UBE3A: variants seen among roughly 807,000 people sequenced by gnomAD.
UBE3A encodes the protein ubiquitin protein ligase E3A, also known as ubiquitin-protein ligase E3A.
UBE3A carries 6 observed loss-of-function variants against 83.4 expected under a neutral mutation model. The observed-to-expected ratio is 0.07, with a 90% CI of 0.04 to 0.14. The LOEUF is 0.14. Among genes scored for constraint, UBE3A ranks in the 10% least tolerant of loss-of-function variants. The pLI, the probability that UBE3A is intolerant of heterozygous loss-of-function variation, is 1.00. For synonymous variants in UBE3A, 337 were observed against 355.4 expected (o/e 0.95, Z 0.58); for missense variants, 456 against 1,036.1 (o/e 0.44, Z 7.69).
chr15:25,366,213 A>C (rs977216212), intron 6 of UBE3A, among the ~76,000 whole-genome samples: 1 of 152,260 alleles, frequency 6.6e-6, no homozygotes, highest in Non-Finnish European at 1.5e-5. Flanking sequence ...ATCACAAGAA[A>C]GAACAATGGA....
At chr15:25,383,137 A>C (rs951171885) in intron 4 of UBE3A, among the ~76,000 whole-genome samples, 3 of 152,236 alleles carry the variant, frequency 2.0e-5, no homozygotes, top group Non-Finnish European at 4.4e-5. Flanking sequence ...TGATGCAAAA[A>C]AAATCAACAA....
chr15:25,341,623 C>T (rs760626101), intron 11 of UBE3A, among the ~76,000 whole-genome samples: 47 of 150,814 alleles, frequency 3.1e-4, no homozygotes, highest in Non-Finnish European at 6.1e-4. Flanking sequence ...ATTAGCCGGG[C>T]GTGGTGGCAG....
intron 9 of UBE3A, among the ~76,000 whole-genome samples, chr15:25,355,489 T>A (rs55818615): frequency 0.12 from 17,931 of 152,216 alleles, 1,133 homozygotes; most frequent in Middle Eastern, 0.23. Flanking sequence ...TGACGTAAAG[T>A]ATACTTTTCA....
chr15:25,367,179 G>GTAAATATGTAAATATTTACATATTTA (rs2079281026), intron 6 of UBE3A, among the ~76,000 whole-genome samples: 2 of 93,416 alleles, frequency 2.1e-5, no homozygotes, highest in Non-Finnish European at 2.1e-5. Context: ...TTACATATTT[G>GTAAATATGTAAATATTTACATATTTA]TAAATATGTA....
intron 11 of UBE3A, among the ~76,000 whole-genome samples, chr15:25,347,999 A>C (rs1322557658): frequency 6.6e-6 from 1 of 152,198 alleles, no homozygotes. Context: ...ACACAGGATG[A>C]AAGTAAAATG....
At position 25,337,673 on chromosome 15, in the gene UBE3A, G is replaced by A. The variant is rs1024579373; in HGVS notation, c.*1464C>T. The A allele has an allele frequency of 6.6e-6, 1 of 152,034 alleles. No homozygotes were observed. The highest frequency in any genetic ancestry group is 2.4e-5 in the African/African-American group (1 of 41,358). 9.4% of individuals were successfully genotyped at this position (152,034 alleles called of 1,614,324 possible). A position where few individuals can be genotyped will look rare whatever the true frequency, so the allele number is the denominator to read the frequency against. On this transcript the variant is annotated 3_prime_UTR_variant, in exon 13 of 13. Coordinates refer to ENST00000648336, the MANE Select transcript of UBE3A (RefSeq NM_130839.5). ...TCATCAGGTTGATCTACAGTAATCA[G>A]TTAAAACAATCAGTCAATCAATCAA...
chr15:25,392,981 CG>C (rs1481820012), intron 4 of UBE3A, among the ~76,000 whole-genome samples: 4 of 152,078 alleles, frequency 2.6e-5, no homozygotes, highest in Admixed American at 2.0e-4. Context: ...TGCACTCTTC[CG>C]GAAGATTCGT....
At chr15:25,434,817 T>C (rs1051606082) in intron 1 of UBE3A, among the ~76,000 whole-genome samples, 1 of 152,176 alleles carries the variant, frequency 6.6e-6, no homozygotes, top group Non-Finnish European at 1.5e-5. Flanking sequence ...TTTCCTCTTG[T>C]ATAAAATGAC....
At chr15:25,349,418 A>G (rs557021403) in intron 11 of UBE3A, among the ~76,000 whole-genome samples, 8 of 152,324 alleles carry the variant, frequency 5.3e-5, no homozygotes, top group African/African-American at 1.9e-4. Flanking sequence ...CAAAAAATGA[A>G]TAATTTCTGC....
chr15:25,339,283 C>A (rs771188501), intron 12 of UBE3A, 26 bp from the exon 13 acceptor site: 24 of 1,608,342 alleles, frequency 1.5e-5, no homozygotes, highest in Non-Finnish European at 2.0e-5. Flanking sequence ...GGGAAAAAAA[C>A]AGGAAAACTG....
chr15:25,375,528 C>A lies in UBE3A; in HGVS notation c.298G>T (p.Ala100Ser). Residue 100 changes from alanine to serine, a missense_variant, in exon 5 of 13, where the codon GCC becomes TCC. This residue lies in a region of UBE3A where 36 missense variants were observed against 28.5 expected (regional missense o/e 1.26). Transcript: ENST00000648336. Reference sequence around the variant, plus strand: ...ATCTCAGAGCAGGAGTTGTTGGGGGCACCTTTCGAGTTCTCAAGGTAAGCT... The same window carrying A: ...ATCTCAGAGCAGGAGTTGTTGGGGGAACCTTTCGAGTTCTCAAGGTAAGCT... ...SSAYLENSKG[A>S]PNNSCSEIKM... 1 of 1,614,156 alleles carries A rather than the reference C, an allele frequency of 6.2e-7. No homozygotes were observed. The highest frequency in any genetic ancestry group is 8.5e-7 in the Non-Finnish European group (1 of 1,180,024).
intron 11 of UBE3A, 26 bp downstream of exon 11, chr15:25,354,327 T>C (rs768685465): frequency 9.1e-5 from 146 of 1,608,052 alleles, no homozygotes; most frequent in Non-Finnish European, 1.2e-4. Flanking sequence ...GAATCAAATC[T>C]TCCTCTGAAG....
intron 4 of UBE3A, among the ~76,000 whole-genome samples, chr15:25,400,408 G>A (rs776691113): frequency 5.3e-5 from 8 of 152,160 alleles, no homozygotes; most frequent in Non-Finnish European, 8.8e-5. Context: ...CAACGTAAAT[G>A]CTATGTAAAT....
At chr15:25,365,950 C>T (rs947316215) in intron 6 of UBE3A, among the ~76,000 whole-genome samples, 3 of 152,126 alleles carry the variant, frequency 2.0e-5, no homozygotes, top group African/African-American at 4.8e-5. Context: ...TAATCACGTT[C>T]GTCCATGAGA....
chr15:25,387,295 G>A (rs564196675), intron 4 of UBE3A, among the ~76,000 whole-genome samples: 17 of 152,310 alleles, frequency 1.1e-4, no homozygotes, highest in African/African-American at 4.1e-4. Context: ...GCTGAGGCGG[G>A]TGGATCACAT....
At chr15:25,414,280 G>A (rs1467407883) in intron 1 of UBE3A, among the ~76,000 whole-genome samples, 1 of 152,120 alleles carries the variant, frequency 6.6e-6, no homozygotes, top group Admixed American at 6.6e-5. Context: ...CCACTGTGTA[G>A]GTTGATACTT....
In UBE3A at chr15:25,338,313, A is replaced by AAAAC. The variant is rs1257471462; in HGVS notation, c.*820_*823dup. The AAAAC allele has an allele frequency of 1.6e-4, 24 of 152,292 alleles. No homozygotes were observed. Among genetic ancestry groups the AAAAC allele is most frequent in the South Asian group, 1.0e-3 (5 of 4,820 alleles). The allele number at this position is 152,292 out of a possible 1,614,324, so 9.4% of individuals were successfully genotyped here. ...CAAATGCACTTTCCCCAGTAAACTT[A>AAAAC]AAACAACAACGAGAACAACAAGAAC... On this transcript the variant is annotated 3_prime_UTR_variant, in exon 13 of 13. Transcript: ENST00000648336.
chr15:25,342,607 T>A (rs1475796246), intron 11 of UBE3A, among the ~76,000 whole-genome samples: 5 of 151,408 alleles, frequency 3.3e-5, no homozygotes, highest in Non-Finnish European at 5.9e-5. Context: ...TACTCACATC[T>A]CTAAAAATCT....
rs370238150 is a variant in UBE3A at position 25,364,036 on chromosome 15, TAATAAATAAATAAATA to T, written c.1609-3525_1609-3510del. 6.5e-5 allele frequency among the ~76,000 whole-genome samples: 9 copies of T among 137,600 alleles called. 1 individual carries two copies. Among genetic ancestry groups the T allele is most frequent in the Admixed American group, 5.2e-4 (7 of 13,564 alleles). The allele number at this position is 137,600 out of a possible 152,430, so 90.3% of individuals were successfully genotyped here. The stretch of plus-strand genomic sequence containing the variant: ...ATGAAACCTTGTTTCTACAAAAAAC[TAATAAATAAATAAATA>T]AATAAATAAATAAATAAATAAAAAA... On this transcript the variant is annotated intron_variant, in intron 6 of 12. Transcript: ENST00000648336.
Sources: gnomAD v4.1 joint callset for allele counts (sites outside exome capture counted in the v4.1 genomes callset) on GRCh38, gnomAD v4.1.1 for gene constraint, gnomAD v4.1.1 regional missense constraint, MANE v1.5 for transcripts, NCBI Gene and HGNC (gene_info 2026-07-23, HGNC 2026-07-21) for gene names.